The following TCF15 variants were observed in gnomAD, a reference collection of about 807,000 sequenced individuals.
The protein encoded by TCF15 is transcription factor 15.
Under a neutral mutation model 11.1 loss-of-function variants are expected in TCF15, and 7 were observed. The ratio of observed to expected loss-of-function variants is 0.63; its 90% confidence interval spans 0.36 to 1.19. TCF15 has a LOEUF of 1.19. Among genes scored for constraint, TCF15 ranks in the 50% most tolerant of loss-of-function variants. The probability of loss-of-function intolerance (pLI) is 0.02; values close to 1 mark genes in which losing one functional copy is unlikely to be tolerated. For synonymous variants in TCF15, 144 were observed against 138.9 expected, an observed-to-expected ratio of 1.04 and a Z score of -0.26; for missense variants, 288 against 289.4, an observed-to-expected ratio of 1.00 and a Z score of 0.03.
chr20:604,645 C>A lies in TCF15; in HGVS notation c.546G>T (p.Gly182=). The change falls in exon 2 of 2, where the codon GGG becomes GGT. Residue 182 remains glycine, a synonymous_variant. Transcript: ENST00000246080. The surrounding 1 kb of genome is among the most constrained non-coding windows in gnomAD (Gnocchi z 4.2). ...QRKGGGRRDL[G]GSCLKVRGVA... ...CCCCCCTCACCTTCAAGCAGCTGCC[C>A]CCCAGGTCACGACGGCCACCCTGCA... 1 of 1,553,398 alleles carries A rather than the reference C, an allele frequency of 6.4e-7. No homozygotes were observed. Among genetic ancestry groups the A allele is most frequent in the Non-Finnish European group, 8.7e-7 (1 of 1,147,888 alleles).
chr20:609,842 G>C lies in TCF15; in HGVS notation c.396C>G (p.Asp132Glu). The change falls in exon 1 of 2, where the codon GAC becomes GAG. Residue 132 changes from aspartate to glutamate, a missense_variant. By Grantham distance (45) the Asp-to-Glu change is conservative. Coordinates refer to ENST00000246080, the MANE Select transcript of TCF15 (RefSeq NM_004609.4). This position sits in a 1 kb window ranked among gnomAD's most constrained non-coding sequence, Gnocchi z 4.7. ...AHLANVLLLG[D>E]SADDGQPCFR... Reference sequence around the variant, plus strand: ...AGCACGGCTGCCCGTCGTCGGCCGAGTCGCCCAGCAGCAGCACGTTGGCCA... The same window carrying C: ...AGCACGGCTGCCCGTCGTCGGCCGACTCGCCCAGCAGCAGCACGTTGGCCA... 6.6e-7 allele frequency: 1 copy of C among 1,526,474 alleles called. No homozygotes were observed. The highest frequency in any genetic ancestry group is 1.4e-5 in the African/African-American group (1 of 70,132). 94.6% of individuals were successfully genotyped at this position (1,526,474 alleles called of 1,614,324 possible).
chr20:607,175 A>G (rs1485291911), intron 1 of TCF15, among the ~76,000 whole-genome samples: 3 of 152,328 alleles, frequency 2.0e-5, no homozygotes, highest in South Asian at 4.1e-4. Flanking sequence ...CCCTCTGGGT[A>G]TACCAACAGG....
At position 609,476 on chromosome 20, in the gene TCF15, T is replaced by C. The variant is rs45540535; in HGVS notation, c.525+237A>G. On this transcript the variant is annotated intron_variant, in intron 1 of 1. Transcript: ENST00000246080. This position sits in a 1 kb window ranked among gnomAD's most constrained non-coding sequence, Gnocchi z 4.7. ...CCAGCACACCTTTCGTTGGAGGGGA[T>C]ATCCCACACTGAGCAGTTAAATCAG... Among the ~76,000 whole-genome samples the C allele has an allele frequency of 4.3e-3, 652 of 152,202 alleles. 5 individuals carry two copies. Among genetic ancestry groups the C allele is most frequent in the African/African-American group, 0.015 (629 of 41,476 alleles).
Position 609,538 on chromosome 20 carries a change from G to A in TCF15, c.525+175C>T, listed in dbSNP as rs1014896637. Among the ~76,000 whole-genome samples, 21 of 152,216 alleles carry A rather than the reference G, an allele frequency of 1.4e-4. No homozygotes were observed. Among genetic ancestry groups the A allele is most frequent in the Non-Finnish European group, 2.8e-4 (19 of 68,024 alleles). On this transcript the variant is annotated intron_variant, in intron 1 of 1. Transcript: ENST00000246080. The surrounding 1 kb of genome is among the most constrained non-coding windows in gnomAD (Gnocchi z 4.7). ...GGGTTTTCCCGCATCCTTCTGTTTG[G>A]GGGCCTGGGCATTAAGTCAGTGGTT...
intron 1 of TCF15, among the ~76,000 whole-genome samples, chr20:608,192 C>T (rs2019992378): frequency 1.3e-5 from 2 of 152,204 alleles, no homozygotes; most frequent in South Asian, 2.1e-4. Context: ...TGCTTCCCCT[C>T]CCCCACCATC....
rs2019955578 is a variant in TCF15 at position 604,480 on chromosome 20, A to G, written c.*111T>C. 7 of 994,356 alleles carry G rather than the reference A, an allele frequency of 7.0e-6. No homozygotes were observed. The highest frequency in any genetic ancestry group is 1.1e-5 in the Non-Finnish European group (7 of 642,506). The allele number at this position is 994,356 out of a possible 1,614,324, so 61.6% of individuals were successfully genotyped here. ...GGCCCTGCCCAGAGTGTCCCGGAAC[A>G]GGCCATGGTCCCCCGGTCCCTACAC... On this transcript the variant is annotated 3_prime_UTR_variant, in exon 2 of 2. Transcript: ENST00000246080. The surrounding 1 kb of genome is among the most constrained non-coding windows in gnomAD (Gnocchi z 4.2).
intron 1 of TCF15, among the ~76,000 whole-genome samples, chr20:605,076 T>C (rs1239451749): frequency 6.6e-6 from 1 of 152,138 alleles, no homozygotes; most frequent in Non-Finnish European, 1.5e-5. Context: ...CTGCAACCTC[T>C]GCCTCCCGGG....
In TCF15 at chr20:609,809, G is replaced by GTT. The variant is rs1568617677; in HGVS notation, c.428_429insAA (p.Ala144ThrfsTer44). ...GGACGGCGCCCTTGGCACTGCCCGC[G>GTT]GCACGGAAGCACGGCTGCCCGTCGT... On this transcript the variant is annotated frameshift_variant, in exon 1 of 2. Coordinates refer to ENST00000246080, the MANE Select transcript of TCF15 (RefSeq NM_004609.4). LOFTEE classifies it high-confidence loss of function. The surrounding 1 kb of genome is among the most constrained non-coding windows in gnomAD (Gnocchi z 4.7). 1 of 1,499,852 alleles carries GTT rather than the reference G, an allele frequency of 6.7e-7. No individual in the cohort carries two copies. The highest frequency in any genetic ancestry group is 2.2e-5 in the Admixed American group (1 of 44,836). The allele number at this position is 1,499,852 out of a possible 1,614,324, so 92.9% of individuals were successfully genotyped here. A position where few individuals can be genotyped will look rare whatever the true frequency, so the allele number is the denominator to read the frequency against.
Position 609,746 on chromosome 20 carries a change from G to A in TCF15, c.492C>T (p.Ile164=), listed in dbSNP as rs2020006023. The A allele has an allele frequency of 2.1e-6, 3 of 1,407,576 alleles. No homozygotes were observed. The highest frequency in any genetic ancestry group is 2.7e-6 in the Non-Finnish European group (3 of 1,093,174). 87.2% of individuals were successfully genotyped at this position (1,407,576 alleles called of 1,614,324 possible). A position where few individuals can be genotyped will look rare whatever the true frequency, so the allele number is the denominator to read the frequency against. Residue 164 remains isoleucine, a synonymous_variant, in exon 1 of 2, where the codon ATC becomes ATT. Coordinates refer to ENST00000246080, the MANE Select transcript of TCF15 (RefSeq NM_004609.4). The surrounding 1 kb of genome is among the most constrained non-coding windows in gnomAD (Gnocchi z 4.7). ...GCTGGTTGCTGAGGCAGAAGGTGCA[G>A]ATGGAGCGCGGCTGGCGGCCGCCGT... ...AADGGRQPRS[I]CTFCLSNQRK...
chr20:607,666 G>A (rs1382660815), intron 1 of TCF15, among the ~76,000 whole-genome samples: 1 of 152,212 alleles, frequency 6.6e-6, no homozygotes, highest in Admixed American at 6.5e-5. Context: ...TGTGAGCTGT[G>A]GGACAGGCCT....
At chr20:607,001 G>A (rs910341322) in intron 1 of TCF15, among the ~76,000 whole-genome samples, 3 of 152,186 alleles carry the variant, frequency 2.0e-5, no homozygotes, top group Non-Finnish European at 4.4e-5. Context: ...TCATCTCACT[G>A]AGCCTCAGTT....
rs1205320340 is a variant in TCF15 at position 609,777 on chromosome 20, G to A, written c.461C>T (p.Ala154Val). The A allele has an allele frequency of 2.1e-6, 3 of 1,414,664 alleles. No homozygotes were observed. Among genetic ancestry groups the A allele is most frequent in the Non-Finnish European group, 2.7e-6 (3 of 1,097,474 alleles). The allele number at this position is 1,414,664 out of a possible 1,614,324, so 87.6% of individuals were successfully genotyped here. ...GCGCGGCTGGCGGCCGCCGTCGGCG[G>A]CGGCGGGGACGGCGCCCTTGGCACT... ...AGSAKGAVPA[A>V]ADGGRQPRSI... Residue 154 changes from alanine to valine, a missense_variant, in exon 1 of 2, where the codon GCC (alanine) becomes GTC (valine). By Grantham distance (64) the Ala-to-Val change is moderately conservative. Coordinates refer to ENST00000246080, the MANE Select transcript of TCF15 (RefSeq NM_004609.4). The surrounding 1 kb of genome is among the most constrained non-coding windows in gnomAD (Gnocchi z 4.7).
intron 1 of TCF15, among the ~76,000 whole-genome samples, chr20:607,906 A>G (rs1161171081): frequency 6.6e-6 from 1 of 152,218 alleles, no homozygotes; most frequent in East Asian, 1.9e-4. Flanking sequence ...GATAAATCAT[A>G]AAGAGCGCTT....
intron 1 of TCF15, among the ~76,000 whole-genome samples, chr20:605,949 C>T (rs2019970814): frequency 6.6e-6 from 1 of 152,246 alleles, no homozygotes; most frequent in Non-Finnish European, 1.5e-5. Context: ...TGAAATCCCA[C>T]TGTAAATGCT....
At chr20:608,540 C>G (rs45471200) in intron 1 of TCF15, among the ~76,000 whole-genome samples, 1 of 151,384 alleles carries the variant, frequency 6.6e-6, no homozygotes, top group Non-Finnish European at 1.5e-5. Context: ...AGAAGACCGA[C>G]GATTCAGGGC....
rs1287479558 is a variant in TCF15, at chr20:606,796, C to T, written c.526-2131G>A. ...TCGTGCCACTGTACTCCAGCCTGGG[C>T]GACAGAGCGAGACTCCATCGCAAAA... On this transcript the variant is annotated intron_variant, in intron 1 of 1. Transcript: ENST00000246080. Among the ~76,000 whole-genome samples the T allele has an allele frequency of 2.7e-5, 4 of 147,030 alleles. No individual in the cohort carries two copies. The South Asian group carries it at 6.4e-4, about 24-fold the overall frequency.
rs778067232 is a variant in TCF15 at position 609,773 on chromosome 20, G to C, written c.465C>G (p.Ala155=). The part of the protein sequence containing the change: ...GSAKGAVPAA[A]DGGRQPRSIC... ...TGGAGCGCGGCTGGCGGCCGCCGTC[G>C]GCGGCGGCGGGGACGGCGCCCTTGG... Residue 155 remains alanine (A), a synonymous_variant, in exon 1 of 2, where the codon GCC becomes GCG. Transcript: ENST00000246080. The surrounding 1 kb of genome is among the most constrained non-coding windows in gnomAD (Gnocchi z 4.7). 7.1e-7 allele frequency: 1 copy of C among 1,409,390 alleles called. No individual in the cohort carries two copies. The highest frequency in any genetic ancestry group is 1.5e-5 in the African/African-American group (1 of 66,368). The allele number at this position is 1,409,390 out of a possible 1,614,324, so 87.3% of individuals were successfully genotyped here. A position where few individuals can be genotyped will look rare whatever the true frequency, so the allele number is the denominator to read the frequency against.
At chr20:608,934 C>A (rs964768318) in intron 1 of TCF15, among the ~76,000 whole-genome samples, 1 of 152,174 alleles carries the variant, frequency 6.6e-6, no homozygotes, top group East Asian at 1.9e-4. Context: ...ACACAGCCCC[C>A]GCCCACCCCT....
Position 610,121 on chromosome 20 carries a change from G to A in TCF15, c.117C>T (p.Gly39=). The change falls in exon 1 of 2, where the codon GGC becomes GGT. Residue 39 remains glycine (G), a synonymous_variant. Coordinates refer to ENST00000246080, the MANE Select transcript of TCF15 (RefSeq NM_004609.4). ...SESDASDQSF[G]CCEGPEAARR... ...GCGCCGCCTCCGGGCCCTCGCAGCAGCCGAACGACTGGTCCGACGCGTCGC... is the reference window on the plus strand; with the variant it reads ...GCGCCGCCTCCGGGCCCTCGCAGCAACCGAACGACTGGTCCGACGCGTCGC... The A allele has an allele frequency of 2.9e-6, 3 of 1,018,062 alleles. No individual in the cohort carries two copies. The highest frequency in any genetic ancestry group is 3.5e-6 in the Non-Finnish European group (3 of 847,442). The allele number at this position is 1,018,062 out of a possible 1,614,324, so 63.1% of individuals were successfully genotyped here. A position where few individuals can be genotyped will look rare whatever the true frequency, so the allele number is the denominator to read the frequency against.
Sources: allele counts gnomAD v4.1 joint callset (sites outside exome capture counted in the v4.1 genomes callset), GRCh38; gene constraint gnomAD v4.1.1; non-coding constraint Gnocchi (gnomAD v3.1); transcripts MANE v1.5; gene names NCBI Gene and HGNC (gene_info 2026-07-23, HGNC 2026-07-21).